CSE1L: variants seen among roughly 807,000 people sequenced by gnomAD.
CSE1L encodes the protein exportin-2.
Under a neutral mutation model 120.4 loss-of-function variants are expected in CSE1L, and 24 were observed. The observed-to-expected ratio is 0.20, with a 90% CI of 0.14 to 0.28. CSE1L has a LOEUF of 0.28. CSE1L is among the 10% of genes least tolerant of loss of function. CSE1L has a pLI of 1.00. For missense variants in CSE1L, 830 were observed against 1,145.2 expected (o/e 0.72, Z 3.97); for synonymous variants, 402 against 398.3 (o/e 1.01, Z -0.11).
intron 5 of CSE1L, 151 bp downstream of exon 5, chr20:49,066,661 C>A: frequency 1.4e-6 from 1 of 699,652 alleles, no homozygotes; most frequent in Non-Finnish European, 2.3e-6. Flanking sequence ...TGTTTCTTCT[C>A]AACTAGGATG....
In CSE1L at chr20:49,096,444, A is replaced by G; in HGVS notation, c.*6A>G. On this transcript the variant is annotated 3_prime_UTR_variant, in exon 25 of 25. Coordinates refer to ENST00000262982, the MANE Select transcript of CSE1L (RefSeq NM_001316.4). ...CCAGTGTGACACTGCTTTAAACTGC[A>G]TTTTTCTAATGGGCTAAACCCAGAT... is the stretch of plus-strand genomic sequence containing the variant. 1 of 1,606,492 alleles carries G rather than the reference A, an allele frequency of 6.2e-7. No individual in the cohort carries two copies. Among genetic ancestry groups the G allele is most frequent in the Admixed American group, 1.7e-5 (1 of 60,008 alleles).
intron 2 of CSE1L, among the ~76,000 whole-genome samples, chr20:49,060,494 G>A (rs1467752818): frequency 4.1e-5 from 6 of 145,586 alleles, no homozygotes; most frequent in African/African-American, 1.5e-4. Context: ...AAAAAAAATT[G>A]GACAGGCACA....
chr20:49,089,248 A>G lies in CSE1L; in HGVS notation c.1823A>G (p.Asn608Ser). Residue 608 changes from asparagine to serine, a missense_variant and splice_region_variant, in exon 18 of 25, where the codon AAC (asparagine) becomes AGC (serine). By Grantham distance (46) the Asn-to-Ser change is conservative (BLOSUM62 1). Around this residue, in one of 4 missense-constraint regions of CSE1L, gnomAD observed 168 missense variants for 267.9 expected, o/e 0.63. Transcript: ENST00000262982. ...LTQKLLAVSK[N>S]PSKPHFNHYM... is the part of the protein sequence containing the mutation. The stretch of plus-strand genomic sequence containing the variant: ...TAGGTTTTTTTTTTTTAATTTCAGA[A>G]CCCAAGCAAACCTCACTTTAATCAC... The G allele has an allele frequency of 6.4e-7, 1 of 1,567,188 alleles. No individual in the cohort carries two copies. Among genetic ancestry groups the G allele is most frequent in the Non-Finnish European group, 8.6e-7 (1 of 1,165,196 alleles).
intron 1 of CSE1L, among the ~76,000 whole-genome samples, chr20:49,057,750 G>GC (rs1380928413): frequency 1.3e-5 from 2 of 152,122 alleles, no homozygotes; most frequent in African/African-American, 4.8e-5. Context: ...TCCTGCCTCA[G>GC]CCTCCCAAGT....
chr20:49,077,986 A>G (rs1192200315), intron 13 of CSE1L, among the ~76,000 whole-genome samples: 1 of 152,208 alleles, frequency 6.6e-6, no homozygotes, highest in Non-Finnish European at 1.5e-5. Flanking sequence ...CCTGGGATAC[A>G]GAGCGAGACT....
rs1453991062 is a variant in CSE1L at position 49,066,589 on chromosome 20, CTGT to C, written c.476+83_476+85del. ...TGTGTAAACAGTTGTGTTTTTGTGACTGTTGTCATTCCTTTGAATCTGATCATC... is the reference window on the plus strand; with the variant it reads ...TGTGTAAACAGTTGTGTTTTTGTGACTGTCATTCCTTTGAATCTGATCATC... On this transcript the variant is annotated intron_variant, in intron 5 of 24. Transcript: ENST00000262982. 12 of 1,282,288 alleles carry C rather than the reference CTGT, an allele frequency of 9.4e-6. 1 individual carries two copies. The highest frequency in any genetic ancestry group is 1.2e-5 in the Non-Finnish European group (11 of 927,990). 79.4% of individuals were successfully genotyped at this position (1,282,288 alleles called of 1,614,324 possible).
intron 14 of CSE1L, among the ~76,000 whole-genome samples, chr20:49,082,679 C>T (rs776724122): frequency 3.3e-5 from 5 of 151,896 alleles, no homozygotes; most frequent in South Asian, 2.1e-4. Context: ...CCACCATGCC[C>T]GGCTAATTTT....
At chr20:49,091,425 CAAA>C (rs566370376) in intron 21 of CSE1L, among the ~76,000 whole-genome samples, 2 of 137,734 alleles carry the variant, frequency 1.5e-5, no homozygotes. Flanking sequence ...GACCCTGTCT[CAAA>C]AAAAAAAAAG....
At chr20:49,086,279 G>A (rs1031888500) in intron 16 of CSE1L, among the ~76,000 whole-genome samples, 6 of 151,538 alleles carry the variant, frequency 4.0e-5, no homozygotes, top group African/African-American at 1.5e-4. Context: ...GAGTGGATGT[G>A]TGTATCTGGG....
intron 8 of CSE1L, 59 bp from the exon 9 acceptor site, chr20:49,072,227 C>G: frequency 6.4e-7 from 1 of 1,561,964 alleles, no homozygotes; most frequent in Non-Finnish European, 8.7e-7. Context: ...TCAGTTACTC[C>G]TCTTACTTAT....
intron 2 of CSE1L, among the ~76,000 whole-genome samples, chr20:49,059,217 A>G (rs1355806746): frequency 6.6e-6 from 1 of 152,190 alleles, no homozygotes; most frequent in Admixed American, 6.5e-5. Flanking sequence ...AAGTGAATGA[A>G]GCCAAGTAAT....
chr20:49,079,477 C>T (rs1229530152), intron 14 of CSE1L, among the ~76,000 whole-genome samples: 1 of 151,844 alleles, frequency 6.6e-6, no homozygotes, highest in Non-Finnish European at 1.5e-5. Context: ...ATCCACCAGC[C>T]TTGGCCTCCC....
intron 16 of CSE1L, among the ~76,000 whole-genome samples, 176 bp downstream of exon 16, chr20:49,085,562 A>ATTTT (rs11471947): frequency 0.19 from 14,951 of 78,862 alleles, 4,080 homozygotes; most frequent in Non-Finnish European, 0.24. Context: ...ACTAACAATA[A>ATTTT]TTTTTTTTTT....
intron 1 of CSE1L, among the ~76,000 whole-genome samples, chr20:49,046,951 C>G (rs991232007): frequency 6.6e-6 from 1 of 152,256 alleles, no homozygotes; most frequent in Admixed American, 6.5e-5. Flanking sequence ...CGAACTCACC[C>G]TTCTCTAACC....
At chr20:49,050,258 A>G (rs2091755653) in intron 1 of CSE1L, among the ~76,000 whole-genome samples, 1 of 150,140 alleles carries the variant, frequency 6.7e-6, no homozygotes, top group South Asian at 2.1e-4. Context: ...TCACTCAGTC[A>G]CCCATACTGG....
At chr20:49,084,821 G>C (rs1323206920) in intron 15 of CSE1L, among the ~76,000 whole-genome samples, 6 of 151,954 alleles carry the variant, frequency 3.9e-5, no homozygotes, top group Non-Finnish European at 8.8e-5. Context: ...CCTTCATCAA[G>C]AACTTGAAGT....
At position 49,068,786 on chromosome 20, in the gene CSE1L, C is replaced by A. The variant is rs368656942; in HGVS notation, c.639C>A (p.Ile213=). ...TGAGGATTCTGTTTTCTTCCCTGAT[C>A]CTGATCTCAAAATTGTTCTATAGTT... is the stretch of plus-strand genomic sequence containing the variant. The part of the protein sequence containing the change: ...SALRILFSSL[I]LISKLFYSLN... The change falls in exon 7 of 25, where the codon ATC becomes ATA. Residue 213 remains isoleucine (I), a synonymous_variant. Transcript: ENST00000262982. 8 of 1,612,942 alleles carry A rather than the reference C, an allele frequency of 5.0e-6. No individual in the cohort carries two copies. The highest frequency in any genetic ancestry group is 6.8e-6 in the Non-Finnish European group (8 of 1,179,040).
rs763908102 is a variant in CSE1L, at chr20:49,074,768, A to G, written c.1067-17A>G. The G allele has an allele frequency of 1.2e-6, 2 of 1,605,192 alleles. No homozygotes were observed. Among genetic ancestry groups the G allele is most frequent in the South Asian group, 2.2e-5 (2 of 89,882 alleles). ...CGTCTTTTGGAGTGTTATCTGAAAT[A>G]TCATCTCTCCTTGTAGCTGCTGATG... On this transcript the variant is annotated splice_polypyrimidine_tract_variant and intron_variant, in intron 10 of 24. Transcript: ENST00000262982.
intron 22 of CSE1L, among the ~76,000 whole-genome samples, chr20:49,093,184 A>G (rs1412466892): frequency 6.6e-6 from 1 of 152,234 alleles, no homozygotes; most frequent in African/African-American, 2.4e-5. Flanking sequence ...TTCCGGCAGT[A>G]GGGGATTTTG....
Sources: gnomAD v4.1 joint callset for allele counts (sites outside exome capture counted in the v4.1 genomes callset) on GRCh38, gnomAD v4.1.1 for gene constraint, gnomAD v4.1.1 regional missense constraint, MANE v1.5 for transcripts, NCBI Gene and HGNC (gene_info 2026-07-23, HGNC 2026-07-21) for gene names.